Variants in CLCA2 observed in about 807,000 individuals in gnomAD.
CLCA2 encodes chloride channel accessory 2, also known as calcium-activated chloride channel regulator 2.
In CLCA2, 85 loss-of-function variants were observed where a neutral mutation model predicts 82.9. That is an observed-to-expected ratio of 1.03 (90% CI 0.86 to 1.23). The LOEUF (loss-of-function observed/expected upper bound fraction) is 1.23, where lower values mean the gene tolerates loss of function less well. Among genes scored for constraint, CLCA2 ranks in the 50% most tolerant of loss-of-function variants. The pLI, the probability that CLCA2 is intolerant of heterozygous loss-of-function variation, is 0.00. For missense variants in CLCA2, 1,089 were observed against 1,124.8 expected, an observed-to-expected ratio of 0.97 and a Z score of 0.45; for synonymous variants, 421 against 391.7, an observed-to-expected ratio of 1.07 and a Z score of -0.88.
At chr1:86,432,268 T>C in intron 4 of CLCA2, 101 bp from the exon 5 acceptor site, 1 of 1,387,100 alleles carries the variant, frequency 7.2e-7, no homozygotes, top group Non-Finnish European at 1.0e-6. Context: ...TGTATATATC[T>C]AGCAGGCTAC....
At position 86,443,925 on chromosome 1, in the gene CLCA2, C is replaced by T; in HGVS notation, c.1627C>T (p.Pro543Ser). The change falls in exon 10 of 14, where the codon CCT becomes TCT. Residue 543 changes from proline to serine, a missense_variant. Transcript: ENST00000370565. ...SGPPEIILFD[P>S]DGRKYYTNNF... ...TCCTCCTGAGATTATATTATTTGAT[C>T]CTGATGGACGAAAATACTACACAAA... is the stretch of plus-strand genomic sequence containing the variant. 1 of 1,613,442 alleles carries T rather than the reference C, an allele frequency of 6.2e-7. No individual in the cohort carries two copies. The highest frequency in any genetic ancestry group is 8.5e-7 in the Non-Finnish European group (1 of 1,179,460).
At chr1:86,450,047 T>C (rs1662932002) in intron 11 of CLCA2, among the ~76,000 whole-genome samples, 1 of 152,172 alleles carries the variant, frequency 6.6e-6, no homozygotes, top group African/African-American at 2.4e-5. Flanking sequence ...AATGAGGAAA[T>C]TAAGTAATTT....
chr1:86,429,294 T>C (rs1662447476), intron 3 of CLCA2, among the ~76,000 whole-genome samples: 2 of 152,190 alleles, frequency 1.3e-5, no homozygotes, highest in Admixed American at 1.3e-4. Context: ...CCTTTTCAAA[T>C]GTTATCGTAC....
At position 86,453,381 on chromosome 1, in the gene CLCA2, T is replaced by C. The variant is rs549068542; in HGVS notation, c.2168T>C (p.Met723Thr). ...TTTTTTGTCTCAGGTAATATTCAGA[T>C]GAATGCTCCAAGGAAATCAGTAGGC... ...PGYTANGNIQMNAPRKSVGRN... is the reference protein window; with the variant it reads ...PGYTANGNIQTNAPRKSVGRN... Residue 723 changes from methionine to threonine, a missense_variant, in exon 13 of 14, where the codon ATG (methionine) becomes ACG (threonine). Coordinates refer to ENST00000370565, the MANE Select transcript of CLCA2 (RefSeq NM_006536.7). 5.0e-5 allele frequency: 81 copies of C among 1,613,970 alleles called. No individual in the cohort carries two copies. The highest frequency in any genetic ancestry group is 6.9e-5 in the Non-Finnish European group (81 of 1,179,864).
chr1:86,430,768 T>C (rs1027463991), intron 3 of CLCA2, 94 bp from the exon 4 acceptor site: 40 of 892,324 alleles, frequency 4.5e-5, no homozygotes, highest in Non-Finnish European at 6.4e-5. Context: ...TTCCAAAGAG[T>C]ATGTGTGGTC....
chr1:86,430,519 G>A (rs17129145), intron 3 of CLCA2, among the ~76,000 whole-genome samples: 5,944 of 152,230 alleles, frequency 0.039, 179 homozygotes, highest in African/African-American at 0.08. Flanking sequence ...CCTGAACTTA[G>A]AGGCCTCTAC....
chr1:86,434,456 T>G, intron 5 of CLCA2, 62 bp from the exon 6 acceptor site: 54 of 1,368,726 alleles, frequency 3.9e-5, no homozygotes, highest in Non-Finnish European at 5.5e-5. Context: ...TCCTTGAGAA[T>G]GAGAACTATG....
Position 86,432,548 on chromosome 1 carries a change from G to A in CLCA2, c.744+20G>A. On this transcript the variant is annotated intron_variant, in intron 5 of 13. Transcript: ENST00000370565. ...TCTTCTGTAAGTATGCCCTTGGAAT[G>A]ACACACTCTTGCAGGATTCCTTCTC... 1 of 1,609,536 alleles carries A rather than the reference G, an allele frequency of 6.2e-7. No individual in the cohort carries two copies. The highest frequency in any genetic ancestry group is 1.1e-5 in the South Asian group (1 of 90,238).
At position 86,434,746 on chromosome 1, in the gene CLCA2, G is replaced by T. The variant is rs777786367; in HGVS notation, c.972+1G>T. The T allele has an allele frequency of 1.3e-6, 2 of 1,598,138 alleles. No individual in the cohort carries two copies. Among genetic ancestry groups the T allele is most frequent in the African/African-American group, 2.7e-5 (2 of 74,620 alleles). On this transcript the variant is annotated splice_donor_variant, in intron 6 of 13. Coordinates refer to ENST00000370565, the MANE Select transcript of CLCA2 (RefSeq NM_006536.7). LOFTEE classifies it high-confidence loss of function. ...GGATGTGTCCAGCAAGATGGCAGAGGTAACATTTTGAACGAAAATGAATGT... is the reference window on the plus strand; with the variant it reads ...GGATGTGTCCAGCAAGATGGCAGAGTTAACATTTTGAACGAAAATGAATGT...
chr1:86,447,473 T>C, intron 10 of CLCA2, 35 bp from the exon 11 acceptor site: 1 of 1,581,186 alleles, frequency 6.3e-7, no homozygotes, highest in Non-Finnish European at 8.6e-7. Flanking sequence ...GATTTTTTTT[T>C]CACACTTTCC....
In CLCA2 at chr1:86,438,858, T is replaced by C; in HGVS notation, c.973-18T>C. The stretch of plus-strand genomic sequence containing the variant: ...TAACCAAATGTTGCCATTTTCTTTT[T>C]TCCTTTTTGGGACATAGGCTGACAG... On this transcript the variant is annotated intron_variant, in intron 6 of 13. Transcript: ENST00000370565. The C allele has an allele frequency of 6.2e-7, 1 of 1,609,790 alleles. No homozygotes were observed. The highest frequency in any genetic ancestry group is 8.5e-7 in the Non-Finnish European group (1 of 1,176,794).
intron 9 of CLCA2, among the ~76,000 whole-genome samples, chr1:86,442,688 G>C (rs1183335722): frequency 6.6e-6 from 1 of 151,786 alleles, no homozygotes; most frequent in Non-Finnish European, 1.5e-5. Context: ...AATTAACGAA[G>C]CATTACTAAT....
rs767117501 is a variant in CLCA2 at position 86,450,534 on chromosome 1, T to C, written c.1985-29T>C. The C allele has an allele frequency of 1.9e-5, 30 of 1,566,454 alleles. 1 individual carries two copies. In the South Asian group the frequency reaches 3.4e-4, roughly 18 times the overall value. On this transcript the variant is annotated intron_variant, in intron 11 of 13. Coordinates refer to ENST00000370565, the MANE Select transcript of CLCA2 (RefSeq NM_006536.7). ...ATTAGTAATCTACTATAATAACAAG[T>C]GTTGACACTGTGTTTTTTATATATA...
intron 11 of CLCA2, among the ~76,000 whole-genome samples, chr1:86,449,458 T>C (rs190076306): frequency 3.5e-4 from 53 of 152,344 alleles, no homozygotes; most frequent in South Asian, 2.1e-3. Flanking sequence ...AGATTTTCCT[T>C]TGTAATTTCT....
chr1:86,425,890 T>C (rs1662376634), intron 2 of CLCA2, among the ~76,000 whole-genome samples: 1 of 152,148 alleles, frequency 6.6e-6, no homozygotes, highest in African/African-American at 2.4e-5. Flanking sequence ...ACCATGCATA[T>C]AAAAATATGA....
chr1:86,425,033 ATG>A (rs1662361300), intron 1 of CLCA2, among the ~76,000 whole-genome samples: 1 of 152,196 alleles, frequency 6.6e-6, no homozygotes, highest in African/African-American at 2.4e-5. Context: ...GTGGTCTTGA[ATG>A]TGCCCACAGG....
In CLCA2 at chr1:86,434,510, A is replaced by G. The variant is rs781113557; in HGVS notation, c.745-8A>G. 7 of 1,612,094 alleles carry G rather than the reference A, an allele frequency of 4.3e-6. No individual in the cohort carries two copies. Among genetic ancestry groups the G allele is most frequent in the Middle Eastern group, 1.6e-4 (1 of 6,078 alleles). ...CCTCTCTTTATTAAAGACTGTTTTTATTTCCAGGTGGTTGAATTTTGTAAT... is the reference window on the plus strand; with the variant it reads ...CCTCTCTTTATTAAAGACTGTTTTTGTTTCCAGGTGGTTGAATTTTGTAAT... On this transcript the variant is annotated splice_region_variant and splice_polypyrimidine_tract_variant and intron_variant, in intron 5 of 13. Coordinates refer to ENST00000370565, the MANE Select transcript of CLCA2 (RefSeq NM_006536.7).
At chr1:86,446,681 C>T (rs912592256) in intron 10 of CLCA2, among the ~76,000 whole-genome samples, 3 of 152,282 alleles carry the variant, frequency 2.0e-5, no homozygotes, top group Admixed American at 2.0e-4. Context: ...ACGCTTCAAC[C>T]CCTTGCTTTT....
chr1:86,425,271 A>G, intron 1 of CLCA2, 68 bp from the exon 2 acceptor site: 1 of 1,178,756 alleles, frequency 8.5e-7, no homozygotes, highest in Non-Finnish European at 1.2e-6. Flanking sequence ...CTGTTTAAGC[A>G]TACCAGAAAA....
Sources: allele counts gnomAD v4.1 joint callset (sites outside exome capture counted in the v4.1 genomes callset), GRCh38; gene constraint gnomAD v4.1.1; transcripts MANE v1.5; gene names NCBI Gene and HGNC (gene_info 2026-07-23, HGNC 2026-07-21).